HHAT: variants seen among roughly 807,000 people sequenced by gnomAD.
HHAT encodes hedgehog acyltransferase.
Under a neutral mutation model 70.8 loss-of-function variants are expected in HHAT, and 47 were observed. The observed-to-expected ratio is 0.66, with a 90% CI of 0.53 to 0.85. The LOEUF (loss-of-function observed/expected upper bound fraction) is 0.85. Ranked by LOEUF, HHAT falls within the 40% of genes least tolerant of loss-of-function variation. The pLI, the probability that HHAT is intolerant of heterozygous loss-of-function variation, is 0.00. For synonymous variants in HHAT, 228 were observed against 247.6 expected (o/e 0.92, Z 0.74); for missense variants, 609 against 604.8 (o/e 1.01, Z -0.07).
chr1:210,548,362 ATGT>A (rs1000817218), intron 9 of HHAT, among the ~76,000 whole-genome samples: 10 of 152,248 alleles, frequency 6.6e-5, no homozygotes, highest in Admixed American at 3.3e-4. Context: ...CTGCTTTAAA[ATGT>A]TGTATCCCCA....
At chr1:210,542,434 G>A (rs1039539379) in intron 9 of HHAT, among the ~76,000 whole-genome samples, 2 of 151,854 alleles carry the variant, frequency 1.3e-5, no homozygotes, top group Non-Finnish European at 2.9e-5. Context: ...AGCAGTGTTA[G>A]GTTTAGGAAA....
At chr1:210,449,064 C>T (rs77935295) in intron 7 of HHAT, among the ~76,000 whole-genome samples, 2,489 of 99,280 alleles carry the variant, frequency 0.025, 63 homozygotes, top group African/African-American at 0.077. Context: ...ACACAACCAC[C>T]AACAAAAATC....
chr1:210,453,824 G>C (rs1246979900), intron 7 of HHAT, among the ~76,000 whole-genome samples: 1 of 152,144 alleles, frequency 6.6e-6, no homozygotes, highest in Non-Finnish European at 1.5e-5. Flanking sequence ...ATTTTACAGA[G>C]CACTTCTTTT....
intron 9 of HHAT, among the ~76,000 whole-genome samples, chr1:210,583,815 T>A (rs1406452588): frequency 3.9e-5 from 6 of 152,188 alleles, no homozygotes; most frequent in East Asian, 3.8e-4. Context: ...CATGTAATTT[T>A]GGGGCTAGAT....
At chr1:210,535,803 C>A (rs768078341) in intron 9 of HHAT, among the ~76,000 whole-genome samples, 4 of 152,194 alleles carry the variant, frequency 2.6e-5, no homozygotes, top group African/African-American at 7.2e-5. Flanking sequence ...AATAAACACA[C>A]CCATGAAATA....
intron 8 of HHAT, among the ~76,000 whole-genome samples, chr1:210,489,975 CTTAACATAGAGCAGCTA>C (rs2094526871): frequency 6.6e-6 from 1 of 152,130 alleles, no homozygotes. Flanking sequence ...ACTTTTACAT[CTTAACATAGAGCAGCTA>C]TTAACTGCTG....
chr1:210,644,372 G>T (rs1338450005), intron 11 of HHAT, among the ~76,000 whole-genome samples: 1 of 152,094 alleles, frequency 6.6e-6, no homozygotes, highest in Non-Finnish European at 1.5e-5. Flanking sequence ...GGAGGCCAAC[G>T]CAGGCGGATC....
intron 1 of HHAT, among the ~76,000 whole-genome samples, chr1:210,340,178 A>G (rs2085883443): frequency 6.6e-6 from 1 of 150,516 alleles, no homozygotes; most frequent in Admixed American, 6.6e-5. Flanking sequence ...AGTCTCTACT[A>G]AAAACACAAA....
At chr1:210,369,471 A>G (rs1553329473) in intron 3 of HHAT, among the ~76,000 whole-genome samples, 1 of 152,242 alleles carries the variant, frequency 6.6e-6, no homozygotes, top group Non-Finnish European at 1.5e-5. Flanking sequence ...GCCCATGAAG[A>G]TTTTTAAGAT....
chr1:210,609,929 T>A (rs550267776), intron 10 of HHAT, among the ~76,000 whole-genome samples: 2 of 152,230 alleles, frequency 1.3e-5, no homozygotes, highest in Non-Finnish European at 2.9e-5. Flanking sequence ...GGCGTTTAGA[T>A]TGACTCCATG....
At chr1:210,507,843 CA>C (rs2094887291) in intron 8 of HHAT, among the ~76,000 whole-genome samples, 1 of 151,780 alleles carries the variant, frequency 6.6e-6, no homozygotes, top group African/African-American at 2.4e-5. Context: ...ATTCTAATGA[CA>C]AAAAATTTGA....
intron 8 of HHAT, among the ~76,000 whole-genome samples, chr1:210,476,113 CT>C (rs1448558285): frequency 6.6e-6 from 1 of 152,180 alleles, no homozygotes; most frequent in African/African-American, 2.4e-5. Context: ...TAGGTTTTTT[CT>C]TCCTGTTAGA....
At chr1:210,596,639 C>G (rs915949318) in intron 10 of HHAT, among the ~76,000 whole-genome samples, 1 of 152,026 alleles carries the variant, frequency 6.6e-6, no homozygotes, top group Non-Finnish European at 1.5e-5. Context: ...TTGCATTTTT[C>G]ATCTTCAGAA....
chr1:210,610,087 A>C (rs1335795886), intron 10 of HHAT, among the ~76,000 whole-genome samples: 2 of 152,206 alleles, frequency 1.3e-5, no homozygotes. Flanking sequence ...AGGAATTGCC[A>C]CAGTGTCTTC....
chr1:210,535,551 G>C (rs147017271), intron 9 of HHAT, among the ~76,000 whole-genome samples: 268 of 152,046 alleles, frequency 1.8e-3, no homozygotes, highest in African/African-American at 6.3e-3. Context: ...TCAGTAGGAG[G>C]GGGTAGACCA....
At chr1:210,447,381 A>G (rs2093656207) in intron 7 of HHAT, among the ~76,000 whole-genome samples, 1 of 152,232 alleles carries the variant, frequency 6.6e-6, no homozygotes, top group African/African-American at 2.4e-5. Context: ...AATACAGCCC[A>G]CTACAGAGAG....
At chr1:210,644,561 C>T (rs1281255505) in intron 11 of HHAT, among the ~76,000 whole-genome samples, 1 of 144,586 alleles carries the variant, frequency 6.9e-6, no homozygotes, top group Non-Finnish European at 1.5e-5. Context: ...TGAGATCATG[C>T]CACTGCACTC....
intron 8 of HHAT, among the ~76,000 whole-genome samples, chr1:210,493,245 T>C (rs2094578783): frequency 6.6e-6 from 1 of 152,112 alleles, no homozygotes. Context: ...CATGTATGTA[T>C]GTGCATGTAT....
At chr1:210,503,554 G>C (rs1172635239) in intron 8 of HHAT, among the ~76,000 whole-genome samples, 1 of 152,104 alleles carries the variant, frequency 6.6e-6, no homozygotes, top group Non-Finnish European at 1.5e-5. Context: ...CTATCACCTG[G>C]TACAATGGAA....
Sources: gnomAD v4.1 joint callset for allele counts (sites outside exome capture counted in the v4.1 genomes callset) on GRCh38, gnomAD v4.1.1 for gene constraint, MANE v1.5 for transcripts, NCBI Gene and HGNC (gene_info 2026-07-23, HGNC 2026-07-21) for gene names.